The following FILIP1 variants were observed in gnomAD, a reference collection of about 807,000 sequenced individuals.
FILIP1 encodes filamin-A-interacting protein 1.
A neutral mutation model predicts 102.1 loss-of-function variants in FILIP1; 61 were observed. That is an observed-to-expected ratio of 0.60 (90% CI 0.49 to 0.74). FILIP1 has a LOEUF of 0.74. FILIP1 is among the 30% of genes least tolerant of loss of function. FILIP1 has a pLI of 0.00. For missense variants in FILIP1, 1,314 were observed against 1,441.2 expected, an observed-to-expected ratio of 0.91 and a Z score of 1.43; for synonymous variants, 491 against 526.9, an observed-to-expected ratio of 0.93 and a Z score of 0.93.
chr6:75,326,095 TTAGA>T (rs145164121), intron 4 of FILIP1, among the ~76,000 whole-genome samples: 129 of 144,944 alleles, frequency 8.9e-4, no homozygotes, highest in Middle Eastern at 3.6e-3. Context: ...GATAGATAGA[TTAGA>T]TAGATAGATA....
chr6:75,371,728 G>C (rs1424705429), intron 2 of FILIP1, among the ~76,000 whole-genome samples: 1 of 152,176 alleles, frequency 6.6e-6, no homozygotes, highest in Non-Finnish European at 1.5e-5. Context: ...GGAAAGGAGA[G>C]TCTTTTCAAC....
At chr6:75,413,470 A>C (rs1777144411) in intron 2 of FILIP1, among the ~76,000 whole-genome samples, 1 of 152,124 alleles carries the variant, frequency 6.6e-6, no homozygotes. Context: ...TGGTAAGCTC[A>C]ATCATGTTTG....
chr6:75,411,987 A>G (rs1388549247), intron 2 of FILIP1, among the ~76,000 whole-genome samples: 1 of 152,150 alleles, frequency 6.6e-6, no homozygotes, highest in Non-Finnish European at 1.5e-5. Flanking sequence ...ACAGCATTGA[A>G]TCTATAAATT....
At position 75,487,716 on chromosome 6, in the gene FILIP1, C is replaced by T. The variant is rs887026055; in HGVS notation, c.-7+5698G>A. Among the ~76,000 whole-genome samples, 4 of 151,910 alleles carry T rather than the reference C, an allele frequency of 2.6e-5. No individual in the cohort carries two copies. The East Asian group carries it at 7.7e-4, about 29-fold the overall frequency. Reference sequence around the variant, plus strand: ...TCAGCCAATTATTTTTTAAAGAATGCATTTGGCCAACTCTGATGTGTCCGT... The same window carrying T: ...TCAGCCAATTATTTTTTAAAGAATGTATTTGGCCAACTCTGATGTGTCCGT... On this transcript the variant is annotated intron_variant, in intron 1 of 5. Coordinates refer to ENST00000237172, the MANE Select transcript of FILIP1 (RefSeq NM_015687.5).
intron 1 of FILIP1, among the ~76,000 whole-genome samples, chr6:75,453,452 T>C (rs1054108072): frequency 6.6e-6 from 1 of 152,222 alleles, no homozygotes; most frequent in African/African-American, 2.4e-5. Context: ...ATATCTGTTG[T>C]GCACATAGTA....
At position 75,347,157 on chromosome 6, in the gene FILIP1, C is replaced by A. The variant is rs367615067; in HGVS notation, c.629+6382G>T. On this transcript the variant is annotated intron_variant, in intron 4 of 5. Coordinates refer to ENST00000237172, the MANE Select transcript of FILIP1 (RefSeq NM_015687.5). ...ATCAGAAGGTAAGAAGTTAGGAGTGCGAAAAGTTATTTTTTCTTACTGAAA... is the reference window on the plus strand; with the variant it reads ...ATCAGAAGGTAAGAAGTTAGGAGTGAGAAAAGTTATTTTTTCTTACTGAAA... 4.6e-5 allele frequency among the ~76,000 whole-genome samples: 7 copies of A among 152,184 alleles called. No individual in the cohort carries two copies. In the East Asian group the frequency reaches 5.8e-4, roughly 13 times the overall value.
chr6:75,342,079 C>T (rs1379701018), intron 4 of FILIP1, among the ~76,000 whole-genome samples: 1 of 152,166 alleles, frequency 6.6e-6, no homozygotes, highest in African/African-American at 2.4e-5. Flanking sequence ...GGTTAAATAA[C>T]CTATCCAAAG....
chr6:75,483,897 A>G (rs1779714754), intron 1 of FILIP1, among the ~76,000 whole-genome samples: 1 of 152,184 alleles, frequency 6.6e-6, no homozygotes, highest in African/African-American at 2.4e-5. Flanking sequence ...GGGGAGATGA[A>G]CAATTCCCTC....
intron 1 of FILIP1, among the ~76,000 whole-genome samples, chr6:75,418,778 T>A (rs1171454636): frequency 6.6e-6 from 1 of 152,178 alleles, no homozygotes; most frequent in Non-Finnish European, 1.5e-5. Flanking sequence ...TAACCCTTTT[T>A]AAAAAATCAG....
At chr6:75,420,739 T>A (rs1777433933) in intron 1 of FILIP1, among the ~76,000 whole-genome samples, 1 of 152,206 alleles carries the variant, frequency 6.6e-6, no homozygotes, top group South Asian at 2.1e-4. Flanking sequence ...ACATGTGCCA[T>A]TTCTCCTTCC....
chr6:75,320,879 A>C (rs912876032), intron 4 of FILIP1, among the ~76,000 whole-genome samples: 3 of 152,236 alleles, frequency 2.0e-5, no homozygotes, highest in African/African-American at 7.2e-5. Flanking sequence ...GCTGAGCAAG[A>C]TATCCCTTAC....
At chr6:75,307,433 C>CT (rs1025529141), downstream of FILIP1, among the ~76,000 whole-genome samples, 4 of 152,118 alleles carry the variant, frequency 2.6e-5, no homozygotes, top group African/African-American at 9.7e-5. Context: ...AAATCTGTGA[C>CT]TTTTTGCTGT....
At chr6:75,485,545 T>G (rs147207896) in intron 1 of FILIP1, among the ~76,000 whole-genome samples, 1 of 152,334 alleles carries the variant, frequency 6.6e-6, no homozygotes, top group East Asian at 1.9e-4. Context: ...GGAAAAGTAG[T>G]CTTTCTGGCC....
chr6:75,378,699 G>T (rs1468484847), intron 2 of FILIP1, among the ~76,000 whole-genome samples: 1 of 152,082 alleles, frequency 6.6e-6, no homozygotes, highest in African/African-American at 2.4e-5. Flanking sequence ...ATTTTCACTT[G>T]ATGGTGAAAA....
intron 3 of FILIP1, among the ~76,000 whole-genome samples, chr6:75,354,661 T>G (rs1245379868): frequency 6.6e-6 from 1 of 152,120 alleles, no homozygotes; most frequent in African/African-American, 2.4e-5. Context: ...CCTGATAAAG[T>G]TCAAACACTT....
chr6:75,396,163 G>A (rs996361870), intron 2 of FILIP1, among the ~76,000 whole-genome samples: 1 of 151,842 alleles, frequency 6.6e-6, no homozygotes, highest in Non-Finnish European at 1.5e-5. Context: ...CTGCAGACAG[G>A]TCAGTATGAC....
At position 75,319,194 on chromosome 6, in the gene FILIP1, C is replaced by T. The variant is rs1773553178; in HGVS notation, c.630-3992G>A. On this transcript the variant is annotated intron_variant, in intron 4 of 5. Coordinates refer to ENST00000237172, the MANE Select transcript of FILIP1 (RefSeq NM_015687.5). ...CTTTAGCTTGATATGCAGCAATATCCTTTTCTTGTTTTTCCTTCAGCTTCG... is the reference window on the plus strand; with the variant it reads ...CTTTAGCTTGATATGCAGCAATATCTTTTTCTTGTTTTTCCTTCAGCTTCG... 4.0e-6 allele frequency: 3 copies of T among 753,960 alleles called. No individual in the cohort carries two copies. The Admixed American group carries it at 5.6e-5, about 14-fold the overall frequency. The allele number at this position is 753,960 out of a possible 1,614,324, so 46.7% of individuals were successfully genotyped here.
intron 2 of FILIP1, among the ~76,000 whole-genome samples, chr6:75,374,632 G>A (rs1431673878): frequency 3.9e-5 from 6 of 152,096 alleles, no homozygotes; most frequent in Admixed American, 6.5e-5. Flanking sequence ...TACCCACCTC[G>A]GCCTCCCAGA....
chr6:75,348,062 TACACAC>T (rs148284986), intron 4 of FILIP1, among the ~76,000 whole-genome samples: 1 of 147,268 alleles, frequency 6.8e-6, no homozygotes, highest in Non-Finnish European at 1.5e-5. Flanking sequence ...ACATCAGTTA[TACACAC>T]ACACACACAC....
Sources: gnomAD v4.1 joint callset for allele counts (sites outside exome capture counted in the v4.1 genomes callset) on GRCh38, gnomAD v4.1.1 for gene constraint, MANE v1.5 for transcripts, NCBI Gene and HGNC (gene_info 2026-07-23, HGNC 2026-07-21) for gene names.